Variants in FLNA observed in about 807,000 individuals in gnomAD.
FLNA encodes the protein filamin-A.
FLNA carries 7 observed loss-of-function variants against 157.6 expected under a neutral mutation model. The observed-to-expected ratio is 0.04, with a 90% CI of 0.03 to 0.08. The LOEUF (loss-of-function observed/expected upper bound fraction) is 0.08. Among genes scored for constraint, FLNA ranks in the 10% least tolerant of loss-of-function variants. The pLI is 1.00. For missense variants in FLNA, 1,750 were observed against 2,398.4 expected (o/e 0.73, Z 5.65); for synonymous variants, 1,103 against 1,060.8 (o/e 1.04, Z -0.77).
rs200150148 is a variant in FLNA at position 154,361,451 on chromosome X, G to C, written c.3064C>G (p.Pro1022Ala). 1.3e-4 allele frequency: 160 copies of C among 1,208,885 alleles called. No individual in the cohort carries two copies. The African/African-American group carries it at 2.2e-3, about 17-fold the overall frequency. Residue 1022 changes from proline to alanine, a missense_variant, in exon 21 of 48, where the codon CCA becomes GCA. This residue lies in a region of FLNA where 648 missense variants were observed against 805.8 expected (regional missense o/e 0.80). Transcript: ENST00000369850. Reference sequence around the variant, plus strand: ...ACACTGTTGTCAGCCCCCAGGCCTGGCTCCACCTTGCAGGGCACCGCTGCA... The same window carrying C: ...ACACTGTTGTCAGCCCCCAGGCCTGCCTCCACCTTGCAGGGCACCGCTGCA... ...SGAAVPCKVE[P>A]GLGADNSVVR...
chrX:154,357,066 C>T (rs886621442), intron 30 of FLNA, among the ~76,000 whole-genome samples, 185 bp downstream of exon 30: 25 of 112,281 alleles, frequency 2.2e-4, no homozygotes, highest in African/African-American at 8.1e-4. Context: ...AGCGGTCATG[C>T]TCAGCTCCGG....
chrX:154,372,930 C>T (rs1008346391), intron 1 of FLNA, among the ~76,000 whole-genome samples: 10 of 112,213 alleles, frequency 8.9e-5, no homozygotes, highest in African/African-American at 3.2e-4. Context: ...ACATTCACTT[C>T]GGGGCAGCCT....
Position 154,353,125 on chromosome X carries a change from G to A in FLNA, c.6102C>T (p.Pro2034=). The A allele has an allele frequency of 8.3e-7, 1 of 1,211,480 alleles. No homozygotes were observed. The highest frequency in any genetic ancestry group is 1.1e-6 in the Non-Finnish European group (1 of 895,392). ...KKNGQHVASS[P]IPVVISQSEI... The stretch of plus-strand genomic sequence containing the variant: ...CCGACTGGCTGATCACCACCGGGAT[G>A]GGGCTGCTGGCCACGTGCTGGCCAT... The change falls in exon 38 of 48, where the codon CCC becomes CCT. Residue 2034 remains proline, a synonymous_variant. Coordinates refer to ENST00000369850, the MANE Select transcript of FLNA (RefSeq NM_001110556.2).
intron 29 of FLNA, 56 bp from the exon 30 acceptor site, chrX:154,357,330 C>T (rs1048038347): frequency 9.7e-5 from 115 of 1,188,322 alleles, no homozygotes; most frequent in Non-Finnish European, 1.3e-4. Flanking sequence ...CTCAAGGGGG[C>T]GGCCCCCACT....
chrX:154,371,547 G>C (rs2067808965), intron 1 of FLNA, among the ~76,000 whole-genome samples, 186 bp from the exon 2 acceptor site: 1 of 112,590 alleles, frequency 8.9e-6, no homozygotes, highest in East Asian at 2.8e-4. Flanking sequence ...CTCCAGGGTG[G>C]GTCGCTGGGC....
intron 44 of FLNA, chrX:154,350,492 C>T: frequency 2.4e-6 from 1 of 412,067 alleles, no homozygotes; most frequent in Non-Finnish European, 4.3e-6. Flanking sequence ...ATATCCCCTG[C>T]ATGTTAACAG....
Position 154,350,795 on chromosome X carries a change from G to T in FLNA, c.7156+114C>A, listed in dbSNP as rs1415846221. On this transcript the variant is annotated intron_variant, in intron 44 of 47. Coordinates refer to ENST00000369850, the MANE Select transcript of FLNA (RefSeq NM_001110556.2). ...GGGAAAGGGTTGCCTGGCTTAGGGG[G>T]CCCAGGAGTTGGGGCCCCGTCTTGG... 79 of 853,007 alleles carry T rather than the reference G, an allele frequency of 9.3e-5. No homozygotes were observed. In the Admixed American group the frequency reaches 1.7e-3, roughly 18 times the overall value. The allele number at this position is 853,007 out of a possible 1,213,427, so 70.3% of individuals were successfully genotyped here. A position where few individuals can be genotyped will look rare whatever the true frequency, so the allele number is the denominator to read the frequency against.
Position 154,353,943 on chromosome X carries a change from G to A in FLNA, c.5658C>T (p.Phe1886=), listed in dbSNP as rs182894587. The change falls in exon 35 of 48, where the codon TTC becomes TTT. Residue 1886 remains phenylalanine, a synonymous_variant. Coordinates refer to ENST00000369850, the MANE Select transcript of FLNA (RefSeq NM_001110556.2). ...THGVVNKPAT[F]TVNTKDAGEG... ...CTCCTGCATCCTTGGTGTTGACGGT[G>A]AAGGTGGCAGGCTTGTTCACTACTC... The A allele has an allele frequency of 8.3e-5, 101 of 1,211,002 alleles. 1 individual carries two copies. In the East Asian group the frequency reaches 2.6e-3, roughly 32 times the overall value.
chrX:154,368,204 A>G lies in FLNA; in HGVS notation c.374-114T>C, dbSNP rs985986851. ...GTAGCAGGGGCCAAGGAGGAGGTAG[A>G]CACCCCCTCTTGGCCAGTGGTAGGA... On this transcript the variant is annotated intron_variant, in intron 2 of 47. Transcript: ENST00000369850. 5.0e-5 allele frequency: 52 copies of G among 1,039,291 alleles called. No homozygotes were observed. In the Admixed American group the frequency reaches 1.1e-3, roughly 23 times the overall value. The allele number at this position is 1,039,291 out of a possible 1,213,427, so 85.6% of individuals were successfully genotyped here. A position where few individuals can be genotyped will look rare whatever the true frequency, so the allele number is the denominator to read the frequency against.
Position 154,358,584 on chromosome X carries a change from G to A in FLNA, c.4475-16C>T, listed in dbSNP as rs1557177327. On this transcript the variant is annotated splice_polypyrimidine_tract_variant and intron_variant, in intron 26 of 47. Coordinates refer to ENST00000369850, the MANE Select transcript of FLNA (RefSeq NM_001110556.2). ...TCCACCAGGCCTGGCCCCAGCCCCAGGGACAGAGCATCAGCTAGTCTCCTG... is the reference window on the plus strand; with the variant it reads ...TCCACCAGGCCTGGCCCCAGCCCCAAGGACAGAGCATCAGCTAGTCTCCTG... 1 of 1,208,137 alleles carries A rather than the reference G, an allele frequency of 8.3e-7. No individual in the cohort carries two copies. Among genetic ancestry groups the A allele is most frequent in the Non-Finnish European group, 1.1e-6 (1 of 894,540 alleles).
Position 154,371,180 on chromosome X carries a change from G to C in FLNA, c.66C>G (p.Asp22Glu). 8.4e-7 allele frequency: 1 copy of C among 1,195,798 alleles called. No homozygotes were observed. Among genetic ancestry groups the C allele is most frequent in the Non-Finnish European group, 1.1e-6 (1 of 888,045 alleles). ...AAGAAPGGGV[D>E]TRDAEMPATE... ...TGGCCGGCATCTCGGCGTCCCGCGTGTCGACGCCGCCGCCCGGAGCCGCGC... is the reference window on the plus strand; with the variant it reads ...TGGCCGGCATCTCGGCGTCCCGCGTCTCGACGCCGCCGCCCGGAGCCGCGC... The change falls in exon 2 of 48, where the codon GAC (aspartate) becomes GAG (glutamate). Residue 22 changes from aspartate (D) to glutamate (E), a missense_variant. By Grantham distance (45) the Asp-to-Glu change is conservative. Transcript: ENST00000369850.
chrX:154,362,635 C>T, intron 16 of FLNA, 26 bp downstream of exon 16: 1 of 1,210,899 alleles, frequency 8.3e-7, no homozygotes, highest in Non-Finnish European at 1.1e-6. Flanking sequence ...CAGCCACCTG[C>T]CCTCCCACCC....
chrX:154,357,427 G>A lies in FLNA; in HGVS notation c.4945+7C>T. 1 of 1,206,347 alleles carries A rather than the reference G, an allele frequency of 8.3e-7. No individual in the cohort carries two copies. Among genetic ancestry groups the A allele is most frequent in the East Asian group, 3.0e-5 (1 of 33,711 alleles). On this transcript the variant is annotated splice_region_variant and intron_variant, in intron 29 of 47. Transcript: ENST00000369850. ...GCGCCGCAGCGGCCAACAGCGGGCG[G>A]GCTCACCTGTGACAGTGCACTTGCT...
chrX:154,357,670 C>T, intron 28 of FLNA, 47 bp from the exon 29 acceptor site: 2 of 1,120,298 alleles, frequency 1.8e-6, no homozygotes, highest in Non-Finnish European at 2.4e-6. Flanking sequence ...CCCGAGTAGC[C>T]CCGGGCCTGC....
rs1355639858 is a variant in FLNA, at chrX:154,374,527, G to A, written c.-138C>T. ...TCACCTGCTGTTCCTGAGAGCGACC[G>A]GTGACCGATGACCGCGGGGTGGCGC... On this transcript the variant is annotated 5_prime_UTR_variant, in exon 1 of 48. Coordinates refer to ENST00000369850, the MANE Select transcript of FLNA (RefSeq NM_001110556.2). 1 of 112,124 alleles carries A rather than the reference G, an allele frequency of 8.9e-6. No individual in the cohort carries two copies. The highest frequency in any genetic ancestry group is 1.9e-5 in the Non-Finnish European group (1 of 52,766). The allele number at this position is 112,124 out of a possible 1,213,427, so 9.2% of individuals were successfully genotyped here.
rs910565220 is a variant in FLNA at position 154,367,388 on chromosome X, C to T, written c.868+9G>A. ...GCACACGGGTGCACCCCTGGTGGGG[C>T]TCCCTCACCTGGCCCGTAGGCACGG... On this transcript the variant is annotated intron_variant, in intron 5 of 47. Transcript: ENST00000369850. The T allele has an allele frequency of 8.3e-7, 1 of 1,210,437 alleles. No homozygotes were observed. The highest frequency in any genetic ancestry group is 1.8e-5 in the South Asian group (1 of 57,018).
rs59672916 is a variant in FLNA at position 154,361,046 on chromosome X, C to CAAAAAAAAAAAAAAAAAAAAAAAAA, written c.3207+237_3207+261dup. 6.0e-4 allele frequency among the ~76,000 whole-genome samples: 12 copies of CAAAAAAAAAAAAAAAAAAAAAAAAA among 19,985 alleles called. 2 individuals carry two copies. The highest frequency in any genetic ancestry group is 1.0e-3 in the Admixed American group (1 of 968). The allele number at this position is 19,985 out of a possible 115,157, so 17.4% of individuals were successfully genotyped here. On this transcript the variant is annotated intron_variant, in intron 21 of 47. Coordinates refer to ENST00000369850, the MANE Select transcript of FLNA (RefSeq NM_001110556.2). ...TGGGCGACAGAGTGAGACTCTTTCT[C>CAAAAAAAAAAAAAAAAAAAAAAAAA]AAAAAAAAAAAAAAAAAAAAAAAAA... is the stretch of plus-strand genomic sequence containing the variant.
rs782495199 is a variant in FLNA at position 154,366,087 on chromosome X, C to A, written c.1366G>T (p.Val456Leu). 5.8e-6 allele frequency: 7 copies of A among 1,209,028 alleles called. No homozygotes were observed. In the Admixed American group the frequency reaches 1.5e-4, roughly 26 times the overall value. ...GGCACGCCGGCAAACGTGACGTGCA[C>A]GGTGTGGACGCCCTCCATGGTGGGC... ...YQPTMEGVHT[V>L]HVTFAGVPIP... The change falls in exon 9 of 48, where the codon GTG (valine) becomes TTG (leucine). Residue 456 changes from valine (V) to leucine (L), a missense_variant. Val to Leu is a conservative substitution (Grantham distance 32). This residue lies in a region of FLNA where 648 missense variants were observed against 805.8 expected (regional missense o/e 0.80). Transcript: ENST00000369850.
At position 154,354,972 on chromosome X, in the gene FLNA, C is replaced by T. The variant is rs782240639; in HGVS notation, c.5070G>A (p.Thr1690=). The T allele has an allele frequency of 5.0e-6, 6 of 1,211,443 alleles. No homozygotes were observed. The East Asian group carries it at 1.2e-4, about 24-fold the overall frequency. The change falls in exon 31 of 48, where the codon ACG becomes ACA. Residue 1690 remains threonine (T), a synonymous_variant. Coordinates refer to ENST00000369850, the MANE Select transcript of FLNA (RefSeq NM_001110556.2). ...GKGKVTCTVC[T]PDGSEVDVDV... ...CCACATCCACCTCTGAGCCATCAGGCGTGCACACGGTGCACGTCACTTTGC... is the reference window on the plus strand; with the variant it reads ...CCACATCCACCTCTGAGCCATCAGGTGTGCACACGGTGCACGTCACTTTGC...
Sources: allele counts gnomAD v4.1 joint callset (sites outside exome capture counted in the v4.1 genomes callset), GRCh38; gene constraint gnomAD v4.1.1; regional missense constraint gnomAD v4.1.1; transcripts MANE v1.5; gene names NCBI Gene and HGNC (gene_info 2026-07-23, HGNC 2026-07-21).